The following PADI2 variants were observed in gnomAD, a reference collection of about 807,000 sequenced individuals.
PADI2 encodes peptidyl arginine deiminase 2.
PADI2 carries 70 observed loss-of-function variants against 81.1 expected under a neutral mutation model. The observed-to-expected ratio is 0.86, with a 90% CI of 0.71 to 1.05. The LOEUF (loss-of-function observed/expected upper bound fraction) is 1.05, where lower values mean the gene tolerates loss of function less well. Ranked by LOEUF, PADI2 falls within the 50% of genes least tolerant of loss-of-function variation. PADI2 has a pLI of 0.00. For synonymous variants in PADI2, 338 were observed against 358.0 expected (o/e 0.94, Z 0.63); for missense variants, 853 against 889.9 (o/e 0.96, Z 0.53).
chr1:17,107,949 CT>C lies in PADI2; in HGVS notation c.93-2889del, dbSNP rs565293543. 8.6e-3 allele frequency among the ~76,000 whole-genome samples: 1,210 copies of C among 140,126 alleles called. 8 individuals are homozygous for C. Among genetic ancestry groups the C allele is most frequent in the African/African-American group, 0.026 (1,010 of 38,468 alleles). The allele number at this position is 140,126 out of a possible 152,430, so 91.9% of individuals were successfully genotyped here. On this transcript the variant is annotated intron_variant, in intron 1 of 15. Coordinates refer to ENST00000375486, the MANE Select transcript of PADI2 (RefSeq NM_007365.3). ...TGCTGTCCCCTCTCCGCATCCATCA[CT>C]TTTTTTTTTTTTTTTTGAGGAGGAG...
At chr1:17,092,252 T>C (rs1043201190) in intron 6 of PADI2, among the ~76,000 whole-genome samples, 156 bp downstream of exon 6, 1 of 151,914 alleles carries the variant, frequency 6.6e-6, no homozygotes, top group African/African-American at 2.4e-5. Flanking sequence ...ATGGAGTCTT[T>C]CAACTTCACG....
At chr1:17,090,930 C>T (rs1232082682) in intron 6 of PADI2, among the ~76,000 whole-genome samples, 1 of 152,024 alleles carries the variant, frequency 6.6e-6, no homozygotes, top group African/African-American at 2.4e-5. Flanking sequence ...TGTCACGACA[C>T]CAAGGTCAAG....
At chr1:17,073,375 C>A (rs1354549285) in intron 13 of PADI2, among the ~76,000 whole-genome samples, 1 of 149,016 alleles carries the variant, frequency 6.7e-6, no homozygotes, top group East Asian at 2.0e-4. Context: ...CGAGATGGCA[C>A]CACTGCACTC....
chr1:17,118,219 G>C (rs1204012621), intron 1 of PADI2, among the ~76,000 whole-genome samples: 1 of 152,110 alleles, frequency 6.6e-6, no homozygotes, highest in Non-Finnish European at 1.5e-5. Flanking sequence ...TGGTGCCTCC[G>C]TGTGAGTTCA....
At chr1:17,070,036 C>G in intron 15 of PADI2, 52 bp downstream of exon 15, 3 of 1,575,342 alleles carry the variant, frequency 1.9e-6, no homozygotes, top group South Asian at 2.3e-5. Context: ...CCTTCTGGAT[C>G]TGGCTGCCCT....
chr1:17,079,415 CCTAGGCAGAGGGCACA>C lies in PADI2; in HGVS notation c.1159-16_1159-1del. ...CGGGTCACGTAGCCAAAATCTGGGC[CCTAGGCAGAGGGCACA>C]CACCTGCGTTAGTCTTCTGCAGCCA... On this transcript the variant is annotated splice_acceptor_variant and splice_polypyrimidine_tract_variant and intron_variant, in intron 10 of 15. Transcript: ENST00000375486. LOFTEE classifies it high-confidence loss of function. The C allele has an allele frequency of 3.1e-6, 5 of 1,613,406 alleles. No homozygotes were observed. Among genetic ancestry groups the C allele is most frequent in the Non-Finnish European group, 4.2e-6 (5 of 1,179,500 alleles).
intron 1 of PADI2, among the ~76,000 whole-genome samples, chr1:17,114,140 C>A (rs536387136): frequency 3.9e-5 from 6 of 152,348 alleles, no homozygotes; most frequent in Non-Finnish European, 7.3e-5. Flanking sequence ...CTCTCAGGAG[C>A]AAGCGCTGCT....
Position 17,104,997 on chromosome 1 carries a change from C to T in PADI2, c.157G>A (p.Val53Met), listed in dbSNP as rs1164917209. Residue 53 changes from valine to methionine, a missense_variant, in exon 2 of 16, where the codon GTG (valine) becomes ATG (methionine). Physicochemically the swap from Val to Met is conservative, Grantham distance 21. Transcript: ENST00000375486. Reference protein sequence around the residue: ...KHSEHVWVEVVRDGEAEEVAT... With the variant: ...KHSEHVWVEVMRDGEAEEVAT... ...ACCTCCTCAGCCTCCCCATCACGCACCACCTCCACCCACACGTGTTCCGAG... is the reference window on the plus strand; with the variant it reads ...ACCTCCTCAGCCTCCCCATCACGCATCACCTCCACCCACACGTGTTCCGAG... 1.9e-6 allele frequency: 3 copies of T among 1,609,910 alleles called. No homozygotes were observed. The highest frequency in any genetic ancestry group is 2.7e-5 in the African/African-American group (2 of 74,972).
In PADI2 at chr1:17,096,736, C is replaced by A. The variant is rs76980057; in HGVS notation, c.350-766G>T. 3.5e-3 allele frequency among the ~76,000 whole-genome samples: 530 copies of A among 152,270 alleles called. 9 individuals are homozygous for A. Among genetic ancestry groups the A allele is most frequent in the African/African-American group, 0.012 (515 of 41,558 alleles). ...AGTATCAGACAAGGTGGGGTTTAGA[C>A]CCTGGTTCTCTGCTTATAAGCTGTG... On this transcript the variant is annotated intron_variant, in intron 3 of 15. Coordinates refer to ENST00000375486, the MANE Select transcript of PADI2 (RefSeq NM_007365.3).
chr1:17,113,001 T>C lies in PADI2; in HGVS notation c.92+6279A>G, dbSNP rs115469370. Among the ~76,000 whole-genome samples the C allele has an allele frequency of 2.0e-3, 298 of 152,252 alleles. 1 individual carries two copies. Among genetic ancestry groups the C allele is most frequent in the African/African-American group, 7.0e-3 (292 of 41,560 alleles). Reference sequence around the variant, plus strand: ...CTGAGTGGCATGTTCTTGGTCTCACTCTGAACCCCAGTCCATCCTTCAAGA... The same window carrying C: ...CTGAGTGGCATGTTCTTGGTCTCACCCTGAACCCCAGTCCATCCTTCAAGA... On this transcript the variant is annotated intron_variant, in intron 1 of 15. Transcript: ENST00000375486.
rs2078352074 is a variant in PADI2, at chr1:17,082,548, G to A, written c.1155C>T (p.Leu385=). Reference sequence around the variant, plus strand: ...CAAGTGGCCCTCAGCATCTTACCAGGAGCTCCTTCACAGGGAAGTCCTTTA... The same window carrying A: ...CAAGTGGCCCTCAGCATCTTACCAGAAGCTCCTTCACAGGGAAGTCCTTTA... ...GNLKDFPVKE[L]LGPDFGYVTR... The change falls in exon 10 of 16, where the codon CTC becomes CTT. Residue 385 remains leucine (L), a synonymous_variant. Coordinates refer to ENST00000375486, the MANE Select transcript of PADI2 (RefSeq NM_007365.3). 1 of 1,596,716 alleles carries A rather than the reference G, an allele frequency of 6.3e-7. No homozygotes were observed.
intron 1 of PADI2, among the ~76,000 whole-genome samples, chr1:17,110,892 G>A (rs1348103231): frequency 6.6e-6 from 1 of 152,138 alleles, no homozygotes; most frequent in African/African-American, 2.4e-5. Flanking sequence ...ACCTGGCCTA[G>A]TATGGGCACA....
chr1:17,070,009 A>G, intron 15 of PADI2, 79 bp downstream of exon 15: 3 of 1,494,164 alleles, frequency 2.0e-6, no homozygotes, highest in Non-Finnish European at 2.7e-6. Flanking sequence ...CCCATTGGAC[A>G]GCTTCAGCTG....
At chr1:17,083,705 G>A (rs1031617563) in intron 9 of PADI2, 21 bp downstream of exon 9, 5 of 1,510,482 alleles carry the variant, frequency 3.3e-6, no homozygotes, top group African/African-American at 2.7e-5. Flanking sequence ...GTCCTTCCCA[G>A]CCTGGACCTG....
chr1:17,118,888 C>G (rs1931846653), intron 1 of PADI2, among the ~76,000 whole-genome samples: 1 of 152,018 alleles, frequency 6.6e-6, no homozygotes, highest in Non-Finnish European at 1.5e-5. Flanking sequence ...AGGAGAGGGG[C>G]TGGGTTGAGG....
At chr1:17,090,048 A>G (rs1930628955) in intron 6 of PADI2, among the ~76,000 whole-genome samples, 1 of 152,304 alleles carries the variant, frequency 6.6e-6, no homozygotes, top group South Asian at 2.1e-4. Flanking sequence ...TTGTATAAAG[A>G]GGTAAGGCCC....
chr1:17,100,913 G>T (rs1465435529), intron 3 of PADI2, among the ~76,000 whole-genome samples: 1 of 151,966 alleles, frequency 6.6e-6, no homozygotes, highest in South Asian at 2.1e-4. Flanking sequence ...GCCCACCTTG[G>T]CCTCCCAAAG....
intron 7 of PADI2, among the ~76,000 whole-genome samples, chr1:17,084,918 T>G (rs1385169719): frequency 6.6e-6 from 1 of 152,228 alleles, no homozygotes; most frequent in Non-Finnish European, 1.5e-5. Flanking sequence ...ACTTTTCAGA[T>G]GGGGAAACCG....
intron 10 of PADI2, among the ~76,000 whole-genome samples, chr1:17,081,862 C>A (rs1338374782): frequency 2.6e-5 from 4 of 152,170 alleles, no homozygotes; most frequent in Non-Finnish European, 4.4e-5. Flanking sequence ...CCTGTAATCC[C>A]AGCACTTTGG....
Sources: gnomAD v4.1 joint callset for allele counts (sites outside exome capture counted in the v4.1 genomes callset) on GRCh38, gnomAD v4.1.1 for gene constraint, MANE v1.5 for transcripts, NCBI Gene and HGNC (gene_info 2026-07-23, HGNC 2026-07-21) for gene names.